The following INAFM2 variants were observed in gnomAD, a reference collection of about 807,000 sequenced individuals.
INAFM2 encodes the protein InaF motif containing 2.
INAFM2 carries 3 observed loss-of-function variants against 5.6 expected under a neutral mutation model. The observed-to-expected ratio is 0.54, with a 90% CI of 0.24 to 1.39. INAFM2 has a LOEUF of 1.39. Among genes scored for constraint, INAFM2 ranks in the 40% most tolerant of loss-of-function variants. The pLI is 0.16. For missense variants in INAFM2, 186 were observed against 217.5 expected, an observed-to-expected ratio of 0.86 and a Z score of 0.91; for synonymous variants, 113 against 109.1, an observed-to-expected ratio of 1.04 and a Z score of -0.22.
Position 40,324,349 on chromosome 15 carries a change from C to T in INAFM2, c.294C>T (p.Thr98=), listed in dbSNP as rs1888748436. 2 of 1,225,272 alleles carry T rather than the reference C, an allele frequency of 1.6e-6. No homozygotes were observed. Among genetic ancestry groups the T allele is most frequent in the African/African-American group, 1.6e-5 (1 of 63,982 alleles). 75.9% of individuals were successfully genotyped at this position (1,225,272 alleles called of 1,614,324 possible). A position where few individuals can be genotyped will look rare whatever the true frequency, so the allele number is the denominator to read the frequency against. ...TSGAAAAGPN[T]TGSSRREAPR... is the part of the protein sequence containing the mutation. ...GGGCGGCGGCGGCGGGGCCCAACAC[C>T]ACTGGGTCGTCCCGCCGCGAGGCGC... Residue 98 remains threonine, a synonymous_variant, in exon 1 of 1, where the codon ACC becomes ACT. Transcript: ENST00000638170.
chr15:40,324,766 A>G lies in INAFM2; in HGVS notation c.*249A>G. 1.1e-5 allele frequency: 2 copies of G among 175,510 alleles called. No individual in the cohort carries two copies. The highest frequency in any genetic ancestry group is 1.2e-5 in the Non-Finnish European group (1 of 83,090). 10.9% of individuals were successfully genotyped at this position (175,510 alleles called of 1,614,324 possible). On this transcript the variant is annotated 3_prime_UTR_variant, in exon 1 of 1. Coordinates refer to ENST00000638170, the MANE Select transcript of INAFM2 (RefSeq NM_001301268.2). The stretch of plus-strand genomic sequence containing the variant: ...GTGCTGCACCAGGGCCCTGAGCCGT[A>G]GGGGGATGGGGGGAGGGGTGGGGAG...
At position 40,324,493 on chromosome 15, in the gene INAFM2, G is replaced by C; in HGVS notation, c.438G>C (p.Thr146=). The C allele has an allele frequency of 8.2e-7, 1 of 1,219,138 alleles. No individual in the cohort carries two copies. The highest frequency in any genetic ancestry group is 4.1e-5 in the South Asian group (1 of 24,180). 75.5% of individuals were successfully genotyped at this position (1,219,138 alleles called of 1,614,324 possible). A position where few individuals can be genotyped will look rare whatever the true frequency, so the allele number is the denominator to read the frequency against. ...PRGPDEDEEE[T]AAAPGSR is the part of the protein sequence containing the mutation. ...GGCCGGACGAGGACGAAGAGGAAAC[G>C]GCGGCGGCGCCCGGGAGTCGTTGAA... is the stretch of plus-strand genomic sequence containing the variant. Residue 146 remains threonine, a synonymous_variant, in exon 1 of 1, where the codon ACG becomes ACC. Coordinates refer to ENST00000638170, the MANE Select transcript of INAFM2 (RefSeq NM_001301268.2).
rs945546798 is a variant in INAFM2, at chr15:40,326,332, A to C, written c.*1815A>C. On this transcript the variant is annotated 3_prime_UTR_variant, in exon 1 of 1. Coordinates refer to ENST00000638170, the MANE Select transcript of INAFM2 (RefSeq NM_001301268.2). ...ACTTCAATAATAGCCTGTAATTTAT[A>C]TTTACTGTGTGAATTTTTAGTCCTA... The C allele has an allele frequency of 2.0e-5, 3 of 152,218 alleles. No homozygotes were observed. The highest frequency in any genetic ancestry group is 7.2e-5 in the African/African-American group (3 of 41,454). 9.4% of individuals were successfully genotyped at this position (152,218 alleles called of 1,614,324 possible). A position where few individuals can be genotyped will look rare whatever the true frequency, so the allele number is the denominator to read the frequency against.
Position 40,324,258 on chromosome 15 carries a change from C to G in INAFM2, c.203C>G (p.Thr68Ser). Residue 68 changes from threonine to serine, a missense_variant, in exon 1 of 1, where the codon ACC (threonine) becomes AGC (serine). By Grantham distance (58) the Thr-to-Ser change is moderately conservative. Coordinates refer to ENST00000638170, the MANE Select transcript of INAFM2 (RefSeq NM_001301268.2). ...ATCTGGCAGCCGGTGGGCGCCGGGA[C>G]CTCGGGGGGAGCCGCTGGCCCGCCC... is the stretch of plus-strand genomic sequence containing the variant. ...SLIWQPVGAG[T>S]SGGAAGPPPG... 1 of 1,229,330 alleles carries G rather than the reference C, an allele frequency of 8.1e-7. No homozygotes were observed. The highest frequency in any genetic ancestry group is 1.0e-6 in the Non-Finnish European group (1 of 986,592). 76.2% of individuals were successfully genotyped at this position (1,229,330 alleles called of 1,614,324 possible). A position where few individuals can be genotyped will look rare whatever the true frequency, so the allele number is the denominator to read the frequency against.
Position 40,324,403 on chromosome 15 carries a change from G to C in INAFM2, c.348G>C (p.Ala116=). The change falls in exon 1 of 1, where the codon GCG becomes GCC. Residue 116 remains alanine, a synonymous_variant. Transcript: ENST00000638170. ...GCGACGTTCCCCCACTGCAGGCGGC[G>C]CGACCGGCGCCTCCGGAGCCCCCTG... ...APRDVPPLQA[A]RPAPPEPPAD... The C allele has an allele frequency of 8.2e-7, 1 of 1,222,342 alleles. No homozygotes were observed. The highest frequency in any genetic ancestry group is 1.0e-6 in the Non-Finnish European group (1 of 981,906). 75.7% of individuals were successfully genotyped at this position (1,222,342 alleles called of 1,614,324 possible).
rs1595708024 is a variant in INAFM2, at chr15:40,324,537, C to T, written c.*20C>T. 1 of 1,223,526 alleles carries T rather than the reference C, an allele frequency of 8.2e-7. No homozygotes were observed. The allele number at this position is 1,223,526 out of a possible 1,614,324, so 75.8% of individuals were successfully genotyped here. The stretch of plus-strand genomic sequence containing the variant: ...CGTTGAAGCCCTCCGCGCTGGGGGC[C>T]GCCGGGAACCATTCTCCCCAAGCCC... On this transcript the variant is annotated 3_prime_UTR_variant, in exon 1 of 1. Coordinates refer to ENST00000638170, the MANE Select transcript of INAFM2 (RefSeq NM_001301268.2).
rs1246323941 is a variant in INAFM2, at chr15:40,324,580, G to A, written c.*63G>A. 2.6e-6 allele frequency: 3 copies of A among 1,147,990 alleles called. No homozygotes were observed. The highest frequency in any genetic ancestry group is 3.3e-6 in the Non-Finnish European group (3 of 915,200). 71.1% of individuals were successfully genotyped at this position (1,147,990 alleles called of 1,614,324 possible). A position where few individuals can be genotyped will look rare whatever the true frequency, so the allele number is the denominator to read the frequency against. ...CCAAGCCCAGAGGCAGGACTTCGCAGCAGGATGGGGTGGAGAGCCCGCGGG... is the reference window on the plus strand; with the variant it reads ...CCAAGCCCAGAGGCAGGACTTCGCAACAGGATGGGGTGGAGAGCCCGCGGG... On this transcript the variant is annotated 3_prime_UTR_variant, in exon 1 of 1. Coordinates refer to ENST00000638170, the MANE Select transcript of INAFM2 (RefSeq NM_001301268.2).
Position 40,324,655 on chromosome 15 carries a change from T to C in INAFM2, c.*138T>C. 1 of 596,664 alleles carries C rather than the reference T, an allele frequency of 1.7e-6. No homozygotes were observed. The highest frequency in any genetic ancestry group is 2.4e-6 in the Non-Finnish European group (1 of 415,564). 37.0% of individuals were successfully genotyped at this position (596,664 alleles called of 1,614,324 possible). A position where few individuals can be genotyped will look rare whatever the true frequency, so the allele number is the denominator to read the frequency against. ...CCCTCACACTCCCACCATCGCCGGC[T>C]GGCCCCGGAGCGGGAGGCCCGCAGC... is the stretch of plus-strand genomic sequence containing the variant. On this transcript the variant is annotated 3_prime_UTR_variant, in exon 1 of 1. Coordinates refer to ENST00000638170, the MANE Select transcript of INAFM2 (RefSeq NM_001301268.2).
In INAFM2 at chr15:40,324,462, C is replaced by G. The variant is rs1888751914; in HGVS notation, c.407C>G (p.Pro136Arg). Residue 136 changes from proline (P) to arginine (R), a missense_variant, in exon 1 of 1, where the codon CCT becomes CGT. Pro to Arg is a moderately radical substitution (Grantham distance 103). Transcript: ENST00000638170. ...DSPPAGPLER[P>R]RGPDEDEEET... ...CCCCCGGCCGGGCCGCTCGAGCGGC[C>G]TCGGGGGCCGGACGAGGACGAAGAG... 4.9e-6 allele frequency: 6 copies of G among 1,227,142 alleles called. No homozygotes were observed. Among genetic ancestry groups the G allele is most frequent in the Non-Finnish European group, 6.1e-6 (6 of 984,910 alleles). The allele number at this position is 1,227,142 out of a possible 1,614,324, so 76.0% of individuals were successfully genotyped here.
In INAFM2 at chr15:40,324,616, A is replaced by G; in HGVS notation, c.*99A>G. The G allele has an allele frequency of 2.4e-6, 2 of 817,194 alleles. No homozygotes were observed. Among genetic ancestry groups the G allele is most frequent in the East Asian group, 7.1e-5 (2 of 28,142 alleles). The allele number at this position is 817,194 out of a possible 1,614,324, so 50.6% of individuals were successfully genotyped here. ...TGGAGAGCCCGCGGGAGTGACCCCC[A>G]CGAGAGTGAACGCCCCTCACACTCC... On this transcript the variant is annotated 3_prime_UTR_variant, in exon 1 of 1. Transcript: ENST00000638170.
chr15:40,324,630 C>T lies in INAFM2; in HGVS notation c.*113C>T, dbSNP rs948633558. On this transcript the variant is annotated 3_prime_UTR_variant, in exon 1 of 1. Coordinates refer to ENST00000638170, the MANE Select transcript of INAFM2 (RefSeq NM_001301268.2). ...GAGTGACCCCCACGAGAGTGAACGC[C>T]CCTCACACTCCCACCATCGCCGGCT... 2 of 712,550 alleles carry T rather than the reference C, an allele frequency of 2.8e-6. No individual in the cohort carries two copies. Among genetic ancestry groups the T allele is most frequent in the Non-Finnish European group, 3.9e-6 (2 of 518,900 alleles). 44.1% of individuals were successfully genotyped at this position (712,550 alleles called of 1,614,324 possible).
chr15:40,324,235 C>G lies in INAFM2; in HGVS notation c.180C>G (p.Ile60Met). ...TGCTCGCCGTCTACTACAGCCTCAT[C>G]TGGCAGCCGGTGGGCGCCGGGACCT... ...AIVLAVYYSL[I>M]WQPVGAGTSG... Residue 60 changes from isoleucine to methionine, a missense_variant, in exon 1 of 1, where the codon ATC (isoleucine) becomes ATG (methionine). By Grantham distance (10) the Ile-to-Met change is conservative. Transcript: ENST00000638170. The G allele has an allele frequency of 8.1e-7, 1 of 1,229,678 alleles. No homozygotes were observed. The highest frequency in any genetic ancestry group is 3.2e-5 in the East Asian group (1 of 31,598). 76.2% of individuals were successfully genotyped at this position (1,229,678 alleles called of 1,614,324 possible). A position where few individuals can be genotyped will look rare whatever the true frequency, so the allele number is the denominator to read the frequency against.
chr15:40,324,705 A>T lies in INAFM2; in HGVS notation c.*188A>T. 2 of 331,842 alleles carry T rather than the reference A, an allele frequency of 6.0e-6. No homozygotes were observed. The highest frequency in any genetic ancestry group is 1.1e-5 in the Non-Finnish European group (2 of 190,118). 20.6% of individuals were successfully genotyped at this position (331,842 alleles called of 1,614,324 possible). The stretch of plus-strand genomic sequence containing the variant: ...CCAGATCTTCAGCCAAGGGACCACG[A>T]TTCGCCGGGGGGCTGGGGGTTTGCT... On this transcript the variant is annotated 3_prime_UTR_variant, in exon 1 of 1. Transcript: ENST00000638170.
rs954964553 is a variant in INAFM2 at position 40,326,452 on chromosome 15, C to T, written c.*1935C>T. The T allele has an allele frequency of 6.6e-6, 1 of 152,230 alleles. No homozygotes were observed. The highest frequency in any genetic ancestry group is 1.5e-5 in the Non-Finnish European group (1 of 68,036). 9.4% of individuals were successfully genotyped at this position (152,230 alleles called of 1,614,324 possible). ...CACTTCCCTGTCCTCTTCCTGATCC[C>T]TGCTTTCTGGACTGTTTAAATCCTC... is the stretch of plus-strand genomic sequence containing the variant. On this transcript the variant is annotated 3_prime_UTR_variant, in exon 1 of 1. Transcript: ENST00000638170.
rs1888745509 is a variant in INAFM2 at position 40,324,245 on chromosome 15, G to A, written c.190G>A (p.Val64Met). The A allele has an allele frequency of 1.6e-6, 2 of 1,229,654 alleles. No homozygotes were observed. Among genetic ancestry groups the A allele is most frequent in the Non-Finnish European group, 2.0e-6 (2 of 986,704 alleles). The allele number at this position is 1,229,654 out of a possible 1,614,324, so 76.2% of individuals were successfully genotyped here. The change falls in exon 1 of 1, where the codon GTG (valine) becomes ATG (methionine). Residue 64 changes from valine to methionine, a missense_variant. Around this residue, in one of 2 missense-constraint regions of INAFM2, gnomAD observed 148 missense variants for 140.2 expected, o/e 1.06. Coordinates refer to ENST00000638170, the MANE Select transcript of INAFM2 (RefSeq NM_001301268.2). ...AVYYSLIWQP[V>M]GAGTSGGAAG... Reference sequence around the variant, plus strand: ...CTACTACAGCCTCATCTGGCAGCCGGTGGGCGCCGGGACCTCGGGGGGAGC... The same window carrying A: ...CTACTACAGCCTCATCTGGCAGCCGATGGGCGCCGGGACCTCGGGGGGAGC...
Position 40,323,996 on chromosome 15 carries a change from G to C in INAFM2, c.-60G>C. The C allele has an allele frequency of 9.2e-7, 1 of 1,086,092 alleles. No homozygotes were observed. Among genetic ancestry groups the C allele is most frequent in the Non-Finnish European group, 1.2e-6 (1 of 859,494 alleles). The allele number at this position is 1,086,092 out of a possible 1,614,324, so 67.3% of individuals were successfully genotyped here. On this transcript the variant is annotated 5_prime_UTR_variant, in exon 1 of 1. Transcript: ENST00000638170. The surrounding 1 kb of genome is among the most constrained non-coding windows in gnomAD (Gnocchi z 5.6). ...GCCGCCCCCTGCCCAGTCCTTGCAG[G>C]CCGCCAGGCCCCCTCCAGCCGGGGC...
chr15:40,326,330 A>G lies in INAFM2; in HGVS notation c.*1813A>G, dbSNP rs1368371651. 1 of 152,264 alleles carries G rather than the reference A, an allele frequency of 6.6e-6. No homozygotes were observed. The highest frequency in any genetic ancestry group is 1.5e-5 in the Non-Finnish European group (1 of 68,046). 9.4% of individuals were successfully genotyped at this position (152,264 alleles called of 1,614,324 possible). ...CAACTTCAATAATAGCCTGTAATTT[A>G]TATTTACTGTGTGAATTTTTAGTCC... On this transcript the variant is annotated 3_prime_UTR_variant, in exon 1 of 1. Coordinates refer to ENST00000638170, the MANE Select transcript of INAFM2 (RefSeq NM_001301268.2).
Position 40,324,270 on chromosome 15 carries a change from C to T in INAFM2, c.215C>T (p.Ala72Val). 1 of 1,228,866 alleles carries T rather than the reference C, an allele frequency of 8.1e-7. No individual in the cohort carries two copies. The highest frequency in any genetic ancestry group is 3.2e-5 in the East Asian group (1 of 31,494). 76.1% of individuals were successfully genotyped at this position (1,228,866 alleles called of 1,614,324 possible). A position where few individuals can be genotyped will look rare whatever the true frequency, so the allele number is the denominator to read the frequency against. Reference protein sequence around the residue: ...QPVGAGTSGGAAGPPPGGSNA... With the variant: ...QPVGAGTSGGVAGPPPGGSNA... Reference sequence around the variant, plus strand: ...GTGGGCGCCGGGACCTCGGGGGGAGCCGCTGGCCCGCCCCCCGGCGGCTCC... The same window carrying T: ...GTGGGCGCCGGGACCTCGGGGGGAGTCGCTGGCCCGCCCCCCGGCGGCTCC... The change falls in exon 1 of 1, where the codon GCC (alanine) becomes GTC (valine). Residue 72 changes from alanine to valine, a missense_variant. Transcript: ENST00000638170.
chr15:40,323,755 G>C lies in INAFM2; in HGVS notation c.-301G>C, dbSNP rs1198390163. The C allele has an allele frequency of 6.8e-6, 1 of 147,382 alleles. No homozygotes were observed. Among genetic ancestry groups the C allele is most frequent in the African/African-American group, 2.5e-5 (1 of 40,766 alleles). The allele number at this position is 147,382 out of a possible 1,614,324, so 9.1% of individuals were successfully genotyped here. ...CGGAGCGCGCGGCGGCGTGGCGGCG[G>C]ATGGGGACGCGGAGCCGGGCGGCTG... On this transcript the variant is annotated 5_prime_UTR_variant, in exon 1 of 1. Coordinates refer to ENST00000638170, the MANE Select transcript of INAFM2 (RefSeq NM_001301268.2). This position sits in a 1 kb window ranked among gnomAD's most constrained non-coding sequence, Gnocchi z 5.6.
Sources: gnomAD v4.1 joint callset for allele counts on GRCh38, gnomAD v4.1.1 for gene constraint, gnomAD v4.1.1 regional missense constraint, Gnocchi (gnomAD v3.1) non-coding constraint, MANE v1.5 for transcripts, NCBI Gene and HGNC (gene_info 2026-07-23, HGNC 2026-07-21) for gene names.